Variants in GABRR2 observed in about 807,000 individuals in gnomAD.
GABRR2 encodes gamma-aminobutyric acid type A receptor subunit rho2.
A neutral mutation model predicts 47.0 loss-of-function variants in GABRR2; 36 were observed. The ratio of observed to expected loss-of-function variants is 0.77; its 90% CI spans 0.59 to 1.01. The LOEUF (loss-of-function observed/expected upper bound fraction) is 1.01, where lower values mean the gene tolerates loss of function less well. Ranked by LOEUF, GABRR2 falls within the 50% of genes least tolerant of loss-of-function variation. The pLI is 0.00. For synonymous variants in GABRR2, 204 were observed against 227.5 expected (o/e 0.90, Z 0.93); for missense variants, 587 against 594.6 (o/e 0.99, Z 0.13).
intron 2 of GABRR2, among the ~76,000 whole-genome samples, chr6:89,283,518 T>A (rs927319830): frequency 6.6e-6 from 1 of 152,186 alleles, no homozygotes; most frequent in African/African-American, 2.4e-5. Flanking sequence ...AAAAAACCAA[T>A]GTACAGAAGA....
chr6:89,302,724 C>G, intron 1 of GABRR2: 1 of 1,387,180 alleles, frequency 7.2e-7, no homozygotes, highest in Non-Finnish European at 9.9e-7. Context: ...CCGGGGCTGC[C>G]TGTCCATGAA....
intron 4 of GABRR2, 26 bp downstream of exon 4, chr6:89,268,985 A>C: frequency 6.3e-7 from 1 of 1,598,400 alleles, no homozygotes; most frequent in Non-Finnish European, 8.6e-7. Flanking sequence ...CACTGGACAG[A>C]GGAACAATGG....
intron 1 of GABRR2, among the ~76,000 whole-genome samples, chr6:89,309,837 G>C (rs1432835261): frequency 6.6e-6 from 1 of 151,976 alleles, no homozygotes; most frequent in Non-Finnish European, 1.5e-5. Flanking sequence ...GAGTGCAGTT[G>C]TGCAATTGTA....
intron 2 of GABRR2, among the ~76,000 whole-genome samples, chr6:89,298,232 G>T (rs1304751875): frequency 1.3e-5 from 2 of 152,190 alleles, no homozygotes; most frequent in African/African-American, 4.8e-5. Flanking sequence ...AGAGCTCAGG[G>T]AATTTAGTGG....
At chr6:89,284,292 A>C (rs113968497) in intron 2 of GABRR2, among the ~76,000 whole-genome samples, 186 of 152,302 alleles carry the variant, frequency 1.2e-3, no homozygotes, top group Non-Finnish European at 2.3e-3. Context: ...CTATACACTT[A>C]AGACTTGTGC....
At position 89,257,795 on chromosome 6, in the gene GABRR2, G is replaced by A; in HGVS notation, c.1273C>T (p.Leu425Phe). The change falls in exon 9 of 9, where the codon CTT becomes TTT. Residue 425 changes from leucine to phenylalanine, a missense_variant. Transcript: ENST00000402938. ...GEANAARKKG[L>F]LKGQTGFRIF... Reference sequence around the variant, plus strand: ...CGAAAACCCGTCTGGCCCTTCAGAAGCCCCTTCTTTCTGGCAGCGTTGGCT... The same window carrying A: ...CGAAAACCCGTCTGGCCCTTCAGAAACCCCTTCTTTCTGGCAGCGTTGGCT... 2 of 1,614,080 alleles carry A rather than the reference G, an allele frequency of 1.2e-6. No homozygotes were observed. The highest frequency in any genetic ancestry group is 8.5e-7 in the Non-Finnish European group (1 of 1,179,896).
At chr6:89,311,119 C>T (rs562664801) in intron 1 of GABRR2, among the ~76,000 whole-genome samples, 29 of 152,278 alleles carry the variant, frequency 1.9e-4, no homozygotes, top group African/African-American at 6.7e-4. Context: ...AGGCCTGGGT[C>T]TCTGGGCAGT....
intron 8 of GABRR2, among the ~76,000 whole-genome samples, chr6:89,261,173 T>C (rs1183457807): frequency 6.6e-6 from 1 of 152,224 alleles, no homozygotes; most frequent in East Asian, 1.9e-4. Context: ...GATGAAGGCT[T>C]TGCTATTTTT....
At chr6:89,310,377 G>T (rs921405542) in intron 1 of GABRR2, among the ~76,000 whole-genome samples, 26 of 152,032 alleles carry the variant, frequency 1.7e-4, no homozygotes, top group Admixed American at 6.5e-5. Context: ...GTGTCTTTCA[G>T]AACAAAGTAC....
chr6:89,271,914 T>C (rs936938255), intron 2 of GABRR2, among the ~76,000 whole-genome samples, 192 bp from the exon 3 acceptor site: 1 of 152,238 alleles, frequency 6.6e-6, no homozygotes, highest in African/African-American at 2.4e-5. Context: ...TCAGGGACTG[T>C]GCCTGCCTTA....
At chr6:89,311,122 T>C (rs1427094600) in intron 1 of GABRR2, among the ~76,000 whole-genome samples, 1 of 152,168 alleles carries the variant, frequency 6.6e-6, no homozygotes, top group Non-Finnish European at 1.5e-5. Flanking sequence ...CCTGGGTCTC[T>C]GGGCAGTGAC....
intron 3 of GABRR2, chr6:89,270,463 G>C (rs1044162421): frequency 6.6e-6 from 1 of 152,256 alleles, no homozygotes; most frequent in African/African-American, 2.4e-5. Context: ...TTCAGTCTAG[G>C]GCAGCCAGGC....
intron 2 of GABRR2, among the ~76,000 whole-genome samples, chr6:89,299,540 T>C (rs544511028): frequency 6.6e-6 from 1 of 152,342 alleles, no homozygotes; most frequent in South Asian, 2.1e-4. Flanking sequence ...TGTAAATGGC[T>C]TAGTCACTGG....
In GABRR2 at chr6:89,268,074, T is replaced by C. The variant is rs369571149; in HGVS notation, c.535A>G (p.Asn179Asp). 6.2e-7 allele frequency: 1 copy of C among 1,611,096 alleles called. No homozygotes were observed. Among genetic ancestry groups the C allele is most frequent in the South Asian group, 1.1e-5 (1 of 90,410 alleles). The change falls in exon 5 of 9, where the codon AAC (asparagine) becomes GAC (aspartate). Residue 179 changes from asparagine to aspartate, a missense_variant. Physicochemically the swap from Asn to Asp is conservative, Grantham distance 23. Transcript: ENST00000402938. ...SMRITVTAMCNMDFSHFPLDS... is the reference protein window; with the variant it reads ...SMRITVTAMCDMDFSHFPLDS... ...AGGGGAAAGTGGCTGAAGTCCATGT[T>C]GCACATGGCAGTGACCGTAATCCTA...
chr6:89,305,506 T>C (rs1470756255), intron 1 of GABRR2, among the ~76,000 whole-genome samples: 1 of 151,818 alleles, frequency 6.6e-6, no homozygotes, highest in African/African-American at 2.4e-5. Context: ...TGGTGCCACA[T>C]CCAGCTACTT....
intron 2 of GABRR2, among the ~76,000 whole-genome samples, chr6:89,284,957 C>T (rs1397832764): frequency 6.6e-6 from 1 of 152,148 alleles, no homozygotes; most frequent in African/African-American, 2.4e-5. Context: ...ACTACCTCAG[C>T]GTAACATTCA....
At chr6:89,308,873 C>A (rs1269249229) in intron 1 of GABRR2, among the ~76,000 whole-genome samples, 2 of 152,178 alleles carry the variant, frequency 1.3e-5, no homozygotes, top group African/African-American at 4.8e-5. Context: ...CAGACACTGC[C>A]CGAGCCATGG....
rs75568960 is a variant in GABRR2 at position 89,256,712 on chromosome 6, A to G, written c.*958T>C. ...AAGTCAGCCATGTGGGCAATCAGCT[A>G]TAAATCCATGACCGACCCCAATAAA... On this transcript the variant is annotated 3_prime_UTR_variant, in exon 9 of 9. Coordinates refer to ENST00000402938, the MANE Select transcript of GABRR2 (RefSeq NM_002043.5). 3.3e-3 allele frequency among the ~76,000 whole-genome samples: 504 copies of G among 152,354 alleles called. 4 individuals carry two copies. Among genetic ancestry groups the G allele is most frequent in the African/African-American group, 0.012 (482 of 41,588 alleles).
intron 1 of GABRR2, among the ~76,000 whole-genome samples, chr6:89,304,597 G>GAAAAAAAAAAAA (rs1227062781): frequency 3.2e-5 from 3 of 94,658 alleles, no homozygotes; most frequent in Non-Finnish European, 4.5e-5. Flanking sequence ...TCAAAAAAAA[G>GAAAAAAAAAAAA]AAAAAAAAAA....
Sources: allele counts gnomAD v4.1 joint callset (sites outside exome capture counted in the v4.1 genomes callset), GRCh38; gene constraint gnomAD v4.1.1; transcripts MANE v1.5; gene names NCBI Gene and HGNC (gene_info 2026-07-23, HGNC 2026-07-21).